TRPM3: variants seen among roughly 807,000 people sequenced by gnomAD.
The protein encoded by TRPM3 is long transient receptor potential channel 3.
TRPM3 carries 77 observed loss-of-function variants against 181.2 expected under a neutral mutation model. The observed-to-expected ratio is 0.42, with a 90% CI of 0.35 to 0.51. The LOEUF is 0.51. Among genes scored for constraint, TRPM3 ranks in the 20% least tolerant of loss-of-function variants. TRPM3 has a pLI of 0.01. For synonymous variants in TRPM3, 745 were observed against 796.4 expected (o/e 0.94, Z 1.09); for missense variants, 1,759 against 2,196.7 (o/e 0.80, Z 3.98).
At chr9:70,955,884 C>T (rs1291266342) in intron 1 of TRPM3, among the ~76,000 whole-genome samples, 1 of 152,104 alleles carries the variant, frequency 6.6e-6, no homozygotes, top group Non-Finnish European at 1.5e-5. Flanking sequence ...GGGGGCAGCG[C>T]TATTATTGTT....
chr9:70,928,730 A>G (rs768862498), intron 1 of TRPM3, among the ~76,000 whole-genome samples: 1 of 152,222 alleles, frequency 6.6e-6, no homozygotes, highest in Non-Finnish European at 1.5e-5. Context: ...CATGATGTAC[A>G]GAGGGGTGTG....
rs145428123 is a variant in TRPM3, at chr9:70,751,709, C to T, written c.1272+9892G>A. Among the ~76,000 whole-genome samples the T allele has an allele frequency of 9.5e-3, 1,438 of 152,162 alleles. 19 individuals carry two copies. The highest frequency in any genetic ancestry group is 0.033 in the African/African-American group (1,371 of 41,504). On this transcript the variant is annotated intron_variant, in intron 8 of 25. Coordinates refer to ENST00000677713, the MANE Select transcript of TRPM3 (RefSeq NM_001366145.2). ...CAATGCAGAGGGAGTAATAGAGTTA[C>T]TGTTCAAGAAATGTACATTTTCTAG...
At chr9:70,836,986 T>C (rs904940812) in intron 5 of TRPM3, among the ~76,000 whole-genome samples, 1 of 152,196 alleles carries the variant, frequency 6.6e-6, no homozygotes, top group Non-Finnish European at 1.5e-5. Flanking sequence ...TGAATGTGAC[T>C]AAGGCAGTTA....
intron 1 of TRPM3, among the ~76,000 whole-genome samples, chr9:71,397,584 A>G (rs554220063): frequency 6.6e-6 from 1 of 152,322 alleles, no homozygotes; most frequent in South Asian, 2.1e-4. Context: ...CTCTTTGGAT[A>G]CATTCTTTCC....
intron 1 of TRPM3, among the ~76,000 whole-genome samples, chr9:71,245,165 G>A (rs1299522484): frequency 6.6e-6 from 1 of 152,036 alleles, no homozygotes; most frequent in Non-Finnish European, 1.5e-5. Context: ...ATACAAAGAA[G>A]AGGCTGGGTA....
At chr9:71,099,193 G>T (rs1430715320) in intron 1 of TRPM3, among the ~76,000 whole-genome samples, 2 of 152,124 alleles carry the variant, frequency 1.3e-5, no homozygotes. Context: ...CCACTTTCTG[G>T]TCCATAGATA....
intron 22 of TRPM3, among the ~76,000 whole-genome samples, chr9:70,589,228 T>C (rs1411669256): frequency 1.3e-5 from 2 of 152,232 alleles, no homozygotes; most frequent in Non-Finnish European, 2.9e-5. Flanking sequence ...TCAGCCCTTC[T>C]TTTAAAATAA....
intron 1 of TRPM3, among the ~76,000 whole-genome samples, chr9:70,966,949 T>C (rs2097191397): frequency 6.6e-6 from 1 of 152,098 alleles, no homozygotes; most frequent in Non-Finnish European, 1.5e-5. Flanking sequence ...TCAGAAGATT[T>C]AAATTTAATA....
chr9:71,191,131 A>C (rs943029330), intron 1 of TRPM3, among the ~76,000 whole-genome samples: 6 of 151,822 alleles, frequency 4.0e-5, no homozygotes, highest in South Asian at 2.1e-4. Context: ...AAGGCCACAC[A>C]CTGAAAATAA....
chr9:70,850,793 A>G (rs2095196511), intron 3 of TRPM3, among the ~76,000 whole-genome samples: 1 of 152,224 alleles, frequency 6.6e-6, no homozygotes, highest in South Asian at 2.1e-4. Context: ...CTTCCAAACT[A>G]TACAAACCAA....
Position 71,443,131 on chromosome 9 carries a change from C to A in TRPM3, c.183+3522G>T, listed in dbSNP as rs760271382. Among the ~76,000 whole-genome samples the A allele has an allele frequency of 2.0e-5, 3 of 152,056 alleles. No homozygotes were observed. In the East Asian group the frequency reaches 5.8e-4, roughly 29 times the overall value. On this transcript the variant is annotated intron_variant, in intron 1 of 24. Transcript: ENST00000357533. ...TTTAGATTTGAAAAATGACCTATGA[C>A]GCAATCTCAGAAAGGAACAATTTCC...
intron 1 of TRPM3, among the ~76,000 whole-genome samples, chr9:71,185,336 A>C (rs1249139606): frequency 6.6e-6 from 1 of 152,140 alleles, no homozygotes; most frequent in Non-Finnish European, 1.5e-5. Flanking sequence ...GCATGATCCC[A>C]TCCCTTTATC....
At chr9:71,360,298 T>G (rs1330623743) in intron 1 of TRPM3, among the ~76,000 whole-genome samples, 2 of 152,180 alleles carry the variant, frequency 1.3e-5, no homozygotes, top group East Asian at 1.9e-4. Context: ...TGAACGAGTC[T>G]CTACCATTTT....
At chr9:71,160,775 T>C (rs1027431850) in intron 1 of TRPM3, among the ~76,000 whole-genome samples, 3 of 152,164 alleles carry the variant, frequency 2.0e-5, no homozygotes, top group Non-Finnish European at 4.4e-5. Context: ...GAAGCTACAG[T>C]CTTTTAAACA....
chr9:70,894,275 G>C (rs1256887086), intron 1 of TRPM3, among the ~76,000 whole-genome samples: 1 of 152,104 alleles, frequency 6.6e-6, no homozygotes, highest in Non-Finnish European at 1.5e-5. Flanking sequence ...ATCTTCAGTG[G>C]GGTTGCCCAG....
intron 21 of TRPM3, among the ~76,000 whole-genome samples, chr9:70,598,140 T>A (rs2059335800): frequency 6.6e-6 from 1 of 152,192 alleles, no homozygotes. Flanking sequence ...GGAAAGAACA[T>A]CTTTGTATAC....
chr9:70,857,248 A>T (rs1423747741), intron 3 of TRPM3, among the ~76,000 whole-genome samples: 2 of 152,116 alleles, frequency 1.3e-5, no homozygotes, highest in African/African-American at 4.8e-5. Context: ...TTGGTACTTA[A>T]CAGGAAGTCA....
chr9:70,930,288 T>A (rs1178401938), intron 1 of TRPM3, among the ~76,000 whole-genome samples: 1 of 152,214 alleles, frequency 6.6e-6, no homozygotes, highest in Non-Finnish European at 1.5e-5. Context: ...TTTATTATTA[T>A]CTTTTTCACA....
At chr9:70,935,664 T>C (rs773350318) in intron 1 of TRPM3, among the ~76,000 whole-genome samples, 23 of 152,196 alleles carry the variant, frequency 1.5e-4, no homozygotes, top group Non-Finnish European at 2.5e-4. Flanking sequence ...CACCTGGAAC[T>C]CTGACAAATT....
Sources: gnomAD v4.1 joint callset for allele counts (sites outside exome capture counted in the v4.1 genomes callset) on GRCh38, gnomAD v4.1.1 for gene constraint, MANE v1.5 for transcripts, NCBI Gene and HGNC (gene_info 2026-07-23, HGNC 2026-07-21) for gene names.